CTNNA2: variants seen among roughly 807,000 people sequenced by gnomAD.
The protein encoded by CTNNA2 is catenin alpha-2.
In CTNNA2, 42 loss-of-function variants were observed where a neutral mutation model predicts 101.0. That is an observed-to-expected ratio of 0.42 (90% confidence interval 0.32 to 0.54). CTNNA2 has a LOEUF of 0.54. CTNNA2 is among the 20% of genes least tolerant of loss of function. The pLI is 0.14. For missense variants in CTNNA2, 871 were observed against 1,223.1 expected, an observed-to-expected ratio of 0.71 and a Z score of 4.29; for synonymous variants, 450 against 456.4, an observed-to-expected ratio of 0.99 and a Z score of 0.18.
At chr2:80,467,848 C>T (rs1469919062) in intron 9 of CTNNA2, among the ~76,000 whole-genome samples, 1 of 152,130 alleles carries the variant, frequency 6.6e-6, no homozygotes, top group Non-Finnish European at 1.5e-5. Context: ...AAGAGTGAGT[C>T]CTCACCAGAC....
intron 8 of CTNNA2, among the ~76,000 whole-genome samples, chr2:80,406,538 AG>A (rs2149387274): frequency 6.6e-6 from 1 of 152,022 alleles, no homozygotes; most frequent in East Asian, 2.0e-4. Context: ...ACTAGTTGAA[AG>A]GGGATGGCTG....
chr2:79,376,460 T>TG (rs921594481), intron 4 of CTNNA2, among the ~76,000 whole-genome samples: 2 of 151,664 alleles, frequency 1.3e-5, no homozygotes, highest in Non-Finnish European at 2.9e-5. Context: ...GGTTTTGTTT[T>TG]TGTTTTTGTT....
intron 7 of CTNNA2, among the ~76,000 whole-genome samples, chr2:79,912,448 T>C (rs1177724704): frequency 6.6e-6 from 1 of 152,246 alleles, no homozygotes; most frequent in East Asian, 1.9e-4. Flanking sequence ...ATGTGTATTC[T>C]ACTTAATGAA....
chr2:79,291,099 CCTCT>C (rs1558607706), intron 2 of CTNNA2, among the ~76,000 whole-genome samples: 1 of 152,162 alleles, frequency 6.6e-6, no homozygotes, highest in African/African-American at 2.4e-5. Context: ...CCAGCCACTC[CCTCT>C]GTCACACACT....
intron 12 of CTNNA2, among the ~76,000 whole-genome samples, chr2:80,560,812 T>C (rs1693518781): frequency 6.6e-6 from 1 of 152,310 alleles, no homozygotes; most frequent in Admixed American, 6.5e-5. Flanking sequence ...AATGACTGCT[T>C]ACAACAGGAT....
chr2:80,631,689 C>G (rs1174749731), intron 18 of CTNNA2, among the ~76,000 whole-genome samples: 1 of 152,106 alleles, frequency 6.6e-6, no homozygotes, highest in Non-Finnish European at 1.5e-5. Flanking sequence ...GGAGAACCAC[C>G]TTAAATGCCC....
chr2:80,453,634 C>T (rs1289529375), intron 9 of CTNNA2, among the ~76,000 whole-genome samples: 4 of 152,064 alleles, frequency 2.6e-5, no homozygotes, highest in African/African-American at 7.3e-5. Flanking sequence ...TAGCAACGTG[C>T]TTAAATAGGA....
intron 4 of CTNNA2, among the ~76,000 whole-genome samples, chr2:79,426,109 C>G (rs1678590000): frequency 6.6e-6 from 1 of 152,104 alleles, no homozygotes. Context: ...TCCAATAAGA[C>G]CACCATTCCC....
chr2:79,902,516 T>C (rs1002541733), intron 6 of CTNNA2, among the ~76,000 whole-genome samples: 1 of 152,220 alleles, frequency 6.6e-6, no homozygotes, highest in African/African-American at 2.4e-5. Flanking sequence ...CATATACTTA[T>C]AATCAACCTT....
intron 7 of CTNNA2, chr2:80,313,673 T>C (rs773861318): frequency 1.6e-5 from 26 of 1,577,236 alleles, no homozygotes; most frequent in Non-Finnish European, 2.2e-5. Flanking sequence ...GAGAAGGGGG[T>C]AAGAAAGGAG....
At chr2:80,055,749 T>A (rs1697177153) in intron 7 of CTNNA2, among the ~76,000 whole-genome samples, 1 of 152,056 alleles carries the variant, frequency 6.6e-6, no homozygotes, top group African/African-American at 2.4e-5. Flanking sequence ...TGCATTTGAG[T>A]TTGTGACCCC....
At position 80,392,639 on chromosome 2, in the gene CTNNA2, G is replaced by A. The variant is rs555817103; in HGVS notation, c.1057-572G>A. ...GAAATTTTCCTCATGACCTCAAGCT[G>A]TGGGTTGCTTATTATCATTTTTAGC... On this transcript the variant is annotated intron_variant, in intron 7 of 18. Coordinates refer to ENST00000402739, the MANE Select transcript of CTNNA2 (RefSeq NM_001282597.3). 9.2e-5 allele frequency among the ~76,000 whole-genome samples: 14 copies of A among 152,186 alleles called. No individual in the cohort carries two copies. The East Asian group carries it at 2.1e-3, about 23-fold the overall frequency.
At chr2:79,817,297 A>G (rs1450608335) in intron 3 of CTNNA2, among the ~76,000 whole-genome samples, 2 of 146,192 alleles carry the variant, frequency 1.4e-5, no homozygotes, top group Admixed American at 1.4e-4. Flanking sequence ...AAAGTGCAGA[A>G]TAATGTATTT....
At chr2:79,856,506 T>C (rs2103940831) in intron 3 of CTNNA2, among the ~76,000 whole-genome samples, 1 of 152,290 alleles carries the variant, frequency 6.6e-6, no homozygotes, top group South Asian at 2.1e-4. Flanking sequence ...AGTTAAAAAA[T>C]CTGTCATATT....
chr2:79,944,186 G>A (rs1368912), intron 7 of CTNNA2, among the ~76,000 whole-genome samples: 112,588 of 151,524 alleles, frequency 0.74, 42,007 homozygotes, highest in Non-Finnish European at 0.79. Context: ...TGGGGGATGG[G>A]AGGGTGGGAA....
intron 1 of CTNNA2, among the ~76,000 whole-genome samples, chr2:79,616,261 T>C (rs1305439703): frequency 6.6e-6 from 1 of 152,124 alleles, no homozygotes; most frequent in Non-Finnish European, 1.5e-5. Context: ...AGCAATTCAA[T>C]ATGCATAGTA....
intron 2 of CTNNA2, among the ~76,000 whole-genome samples, chr2:79,662,912 C>T (rs1030039464): frequency 6.6e-6 from 1 of 152,196 alleles, no homozygotes; most frequent in Non-Finnish European, 1.5e-5. Flanking sequence ...TCTGCCTTCT[C>T]TTTGCTTTAC....
chr2:79,585,888 G>T (rs1676455484), intron 1 of CTNNA2, among the ~76,000 whole-genome samples: 1 of 152,114 alleles, frequency 6.6e-6, no homozygotes, highest in Non-Finnish European at 1.5e-5. Flanking sequence ...GCTCAGCATT[G>T]TGTTCTCTTA....
intron 4 of CTNNA2, among the ~76,000 whole-genome samples, chr2:79,378,256 G>A (rs1339910875): frequency 6.6e-6 from 1 of 152,118 alleles, no homozygotes; most frequent in Non-Finnish European, 1.5e-5. Context: ...TTTGACATGG[G>A]CAATGGTGTC....
Sources: gnomAD v4.1 joint callset for allele counts (sites outside exome capture counted in the v4.1 genomes callset) on GRCh38, gnomAD v4.1.1 for gene constraint, MANE v1.5 for transcripts, NCBI Gene and HGNC (gene_info 2026-07-23, HGNC 2026-07-21) for gene names.